SOX6: variants seen among roughly 807,000 people sequenced by gnomAD.
The protein encoded by SOX6 is transcription factor SOX-6.
Under a neutral mutation model 97.8 loss-of-function variants are expected in SOX6, and 11 were observed. That is an observed-to-expected ratio of 0.11 (90% CI 0.07 to 0.19). The LOEUF is 0.19. Ranked by LOEUF, SOX6 falls within the 10% of genes least tolerant of loss-of-function variation. The pLI is 1.00. For missense variants in SOX6, 810 were observed against 1,039.5 expected, an observed-to-expected ratio of 0.78 and a Z score of 3.04; for synonymous variants, 360 against 371.4, an observed-to-expected ratio of 0.97 and a Z score of 0.35.
At chr11:16,405,224 A>G (rs1222548927) in intron 1 of SOX6, among the ~76,000 whole-genome samples, 1 of 152,046 alleles carries the variant, frequency 6.6e-6, no homozygotes, top group Non-Finnish European at 1.5e-5. Flanking sequence ...CAGTTATTAT[A>G]AAAACAGCCA....
chr11:16,281,728 T>C (rs1406764891), intron 3 of SOX6, among the ~76,000 whole-genome samples: 1 of 151,860 alleles, frequency 6.6e-6, no homozygotes, highest in Non-Finnish European at 1.5e-5. Flanking sequence ...AAATGTGTTA[T>C]TTAATGTTGT....
At chr11:16,152,919 T>C (rs750940418) in intron 6 of SOX6, among the ~76,000 whole-genome samples, 1 of 151,978 alleles carries the variant, frequency 6.6e-6, no homozygotes, top group East Asian at 1.9e-4. Context: ...CAGGCTTGAG[T>C]GCAGTGGCGC....
intron 4 of SOX6, among the ~76,000 whole-genome samples, chr11:16,221,174 T>C (rs1412606379): frequency 6.6e-6 from 1 of 152,122 alleles, no homozygotes; most frequent in South Asian, 2.1e-4. Flanking sequence ...ATTATTTGCA[T>C]GTTACAGTGA....
chr11:16,488,892 T>A (rs937249124), intron 4 of SOX6, among the ~76,000 whole-genome samples: 32 of 152,100 alleles, frequency 2.1e-4, no homozygotes, highest in African/African-American at 7.2e-4. Flanking sequence ...GATAGCACAG[T>A]GAAATGTGCC....
At chr11:16,089,728 C>A (rs565325732) in intron 9 of SOX6, among the ~76,000 whole-genome samples, 3 of 152,156 alleles carry the variant, frequency 2.0e-5, no homozygotes, top group African/African-American at 7.2e-5. Flanking sequence ...AGAAACCATC[C>A]AACTGTAGCT....
chr11:16,173,942 C>A (rs1025358605), intron 6 of SOX6, among the ~76,000 whole-genome samples: 3 of 151,378 alleles, frequency 2.0e-5, no homozygotes, highest in South Asian at 2.1e-4. Flanking sequence ...AACTCCTGTG[C>A]TCAAGAGATC....
chr11:16,182,202 T>A (rs1424152600), intron 6 of SOX6, among the ~76,000 whole-genome samples: 2 of 151,764 alleles, frequency 1.3e-5, no homozygotes, highest in Non-Finnish European at 2.9e-5. Flanking sequence ...AGACAACCAG[T>A]CAGTATAAAC....
intron 4 of SOX6, among the ~76,000 whole-genome samples, chr11:16,539,689 ACACCTCTATG>A (rs1861371575): frequency 6.6e-6 from 1 of 152,224 alleles, no homozygotes; most frequent in African/African-American, 2.4e-5. Flanking sequence ...AATACTATAA[ACACCTCTATG>A]CAAATAAACT....
intron 7 of SOX6, among the ~76,000 whole-genome samples, chr11:16,107,599 A>G (rs1387595637): frequency 6.6e-6 from 1 of 151,670 alleles, no homozygotes; most frequent in African/African-American, 2.4e-5. Flanking sequence ...ATGCATAGAG[A>G]AAAATAATAG....
chr11:16,463,640 C>A (rs1258331899), intron 1 of SOX6, among the ~76,000 whole-genome samples: 1 of 152,172 alleles, frequency 6.6e-6, no homozygotes, highest in Non-Finnish European at 1.5e-5. Flanking sequence ...TATAGACCCT[C>A]GACTGTCTAT....
At chr11:16,073,337 T>G (rs1285098026) in intron 9 of SOX6, among the ~76,000 whole-genome samples, 2 of 151,940 alleles carry the variant, frequency 1.3e-5, no homozygotes, top group African/African-American at 4.8e-5. Context: ...AAACAACAAT[T>G]TAAAAAGACA....
At position 16,415,362 on chromosome 11, in the gene SOX6, GAAT is replaced by G. The variant is rs149912676; in HGVS notation, c.-5+60950_-5+60952del. Among the ~76,000 whole-genome samples the G allele has an allele frequency of 2.7e-3, 412 of 151,624 alleles. 5 individuals carry two copies. Among genetic ancestry groups the G allele is most frequent in the African/African-American group, 9.3e-3 (386 of 41,410 alleles). On this transcript the variant is annotated intron_variant, in intron 1 of 15. Coordinates refer to the SOX6 transcript ENST00000396356. ...AAGCTGATTTCATAGCAGTAGAGTA[GAAT>G]AGTAACTACTAGAGGATAGGAAAGG...
intron 12 of SOX6, among the ~76,000 whole-genome samples, chr11:16,040,471 C>T (rs1023255626): frequency 2.0e-5 from 3 of 152,006 alleles, no homozygotes; most frequent in African/African-American, 7.2e-5. Flanking sequence ...TAAAATCCAA[C>T]ATTAATAAAA....
In SOX6 at chr11:16,498,849, C is replaced by T. The variant is rs548701982; in HGVS notation, n.610-22461G>A. On this transcript the variant is annotated intron_variant and non_coding_transcript_variant, in intron 4 of 5. Transcript: ENST00000524520. ...CTACAAAGAAACTTAGACTCCCACA[C>T]AATAATAATGGGAGATTTTAACACC... 3.3e-5 allele frequency among the ~76,000 whole-genome samples: 5 copies of T among 152,264 alleles called. No individual in the cohort carries two copies. The South Asian group carries it at 1.0e-3, about 32-fold the overall frequency.
At chr11:16,322,375 G>A (rs941653252) in intron 2 of SOX6, among the ~76,000 whole-genome samples, 1 of 152,070 alleles carries the variant, frequency 6.6e-6, no homozygotes, top group Non-Finnish European at 1.5e-5. Flanking sequence ...CATAAGATGC[G>A]CCTGCTTCCC....
rs557493556 is a variant in SOX6 at position 16,606,606 on chromosome 11, C to G, written n.609+5475G>C. ...ACCTGACTTCTTTTTCACATCATTC[C>G]CAATTATATAGATTAGAATACCAAT... On this transcript the variant is annotated intron_variant and non_coding_transcript_variant, in intron 4 of 5. Coordinates refer to the SOX6 transcript ENST00000524520. Among the ~76,000 whole-genome samples, 4 of 152,294 alleles carry G rather than the reference C, an allele frequency of 2.6e-5. No individual in the cohort carries two copies. In the South Asian group the frequency reaches 8.3e-4, roughly 32 times the overall value.
At chr11:16,401,834 T>TG (rs1173453564) in intron 1 of SOX6, among the ~76,000 whole-genome samples, 4 of 151,540 alleles carry the variant, frequency 2.6e-5, no homozygotes, top group Non-Finnish European at 5.9e-5. Flanking sequence ...CCCAACCCCC[T>TG]GGACCAAGTC....
At chr11:16,466,291 G>A (rs1860030037) in intron 1 of SOX6, among the ~76,000 whole-genome samples, 1 of 152,084 alleles carries the variant, frequency 6.6e-6, no homozygotes, top group Admixed American at 6.5e-5. Flanking sequence ...ATATGAACTT[G>A]AGATAAAACT....
In SOX6 at chr11:16,014,978, C is replaced by T; in HGVS notation, c.1696G>A (p.Gly566Ser). 1 of 1,612,988 alleles carries T rather than the reference C, an allele frequency of 6.2e-7. No homozygotes were observed. Among genetic ancestry groups the T allele is most frequent in the Non-Finnish European group, 8.5e-7 (1 of 1,179,342 alleles). Residue 566 changes from glycine (G) to serine (S), a missense_variant, in exon 13 of 16, where the codon GGT (glycine) becomes AGT (serine). This residue lies in a region of SOX6 where 120 missense variants were observed against 127.0 expected (regional missense o/e 0.94). Transcript: ENST00000683767. ...KSNEDGKLGP[G>S]VIDLTRPEDA... Reference sequence around the variant, plus strand: ...TCTGGCCGAGTAAGGTCGATGACACCTGGGCCCAGTTTTCCATCTTCATTT... The same window carrying T: ...TCTGGCCGAGTAAGGTCGATGACACTTGGGCCCAGTTTTCCATCTTCATTT...
Sources: allele counts gnomAD v4.1 joint callset (sites outside exome capture counted in the v4.1 genomes callset), GRCh38; gene constraint gnomAD v4.1.1; regional missense constraint gnomAD v4.1.1; transcripts MANE v1.5; gene names NCBI Gene and HGNC (gene_info 2026-07-23, HGNC 2026-07-21).